The following CNKSR3 variants were observed in gnomAD, a reference collection of about 807,000 sequenced individuals.
CNKSR3 encodes CNKSR family member 3, also known as connector enhancer of kinase suppressor of ras 3.
CNKSR3 carries 36 observed loss-of-function variants against 67.7 expected under a neutral mutation model. The observed-to-expected ratio is 0.53, with a 90% CI of 0.41 to 0.70. CNKSR3 has a LOEUF of 0.70. Ranked by LOEUF, CNKSR3 falls within the 30% of genes least tolerant of loss-of-function variation. CNKSR3 has a pLI of 0.00. For synonymous variants in CNKSR3, 281 were observed against 271.4 expected (o/e 1.04, Z -0.35); for missense variants, 630 against 695.2 (o/e 0.91, Z 1.05).
intron 12 of CNKSR3, among the ~76,000 whole-genome samples, chr6:154,408,619 G>A (rs1784849434): frequency 2.0e-5 from 3 of 152,184 alleles, no homozygotes; most frequent in Admixed American, 1.3e-4. Context: ...CCTGTCAGGG[G>A]CTGAAGAAGG....
At chr6:154,434,768 C>G (rs1318499939) in intron 4 of CNKSR3, among the ~76,000 whole-genome samples, 1 of 152,092 alleles carries the variant, frequency 6.6e-6, no homozygotes, top group Non-Finnish European at 1.5e-5. Flanking sequence ...ACTACAGGAG[C>G]GGCTTCTGTA....
chr6:154,415,336 T>C (rs191134327), intron 9 of CNKSR3, among the ~76,000 whole-genome samples: 19 of 150,858 alleles, frequency 1.3e-4, no homozygotes, highest in African/African-American at 4.4e-4. Context: ...GTTCAAGTGA[T>C]TCTCCTACCT....
intron 5 of CNKSR3, among the ~76,000 whole-genome samples, chr6:154,432,420 C>T (rs1406974393): frequency 1.3e-5 from 2 of 152,088 alleles, no homozygotes; most frequent in African/African-American, 2.4e-5. Context: ...GGATACAAGT[C>T]CTTTATCTGA....
rs35873703 is a variant in CNKSR3, at chr6:154,415,228, A to ATTTTTTTTTTTTT, written c.946-818_946-806dup. The stretch of plus-strand genomic sequence containing the variant: ...TCCTGGCTAGACTTACTAGCTGCCC[A>ATTTTTTTTTTTTT]TTTTTTTTTTTTTTTTTTTTAAGAT... On this transcript the variant is annotated intron_variant, in intron 9 of 12. Transcript: ENST00000607772. Among the ~76,000 whole-genome samples the ATTTTTTTTTTTTT allele has an allele frequency of 3.6e-4, 42 of 118,108 alleles. 2 individuals are homozygous for ATTTTTTTTTTTTT. The highest frequency in any genetic ancestry group is 1.2e-3 in the African/African-American group (35 of 30,270). 77.5% of individuals were successfully genotyped at this position (118,108 alleles called of 152,430 possible).
rs67203207 is a variant in CNKSR3, at chr6:154,394,614, T to TAAAAA, written c.*11735_*11739dup. ...TATAGCATGAGCCTAATACAAGAAGTAAAAAAAAAAAAAAAAAAAAAGAAG... is the reference window on the plus strand; with the variant it reads ...TATAGCATGAGCCTAATACAAGAAGTAAAAAAAAAAAAAAAAAAAAAAAAAAGAAG... On this transcript the variant is annotated 3_prime_UTR_variant, in exon 13 of 13. Coordinates refer to ENST00000607772, the MANE Select transcript of CNKSR3 (RefSeq NM_173515.4). 15 of 67,768 alleles carry TAAAAA rather than the reference T, an allele frequency of 2.2e-4. No homozygotes were observed. The highest frequency in any genetic ancestry group is 6.0e-4 in the African/African-American group (11 of 18,342). The allele number at this position is 67,768 out of a possible 1,614,324, so 4.2% of individuals were successfully genotyped here.
intron 1 of CNKSR3, among the ~76,000 whole-genome samples, chr6:154,499,187 C>A (rs1786934388): frequency 6.6e-6 from 1 of 152,232 alleles, no homozygotes; most frequent in African/African-American, 2.4e-5. Context: ...AGGTTCATTA[C>A]TCATCTACTT....
At chr6:154,476,026 AT>A (rs113359539) in intron 1 of CNKSR3, among the ~76,000 whole-genome samples, 2,132 of 147,942 alleles carry the variant, frequency 0.014, 49 homozygotes, top group African/African-American at 0.049. Context: ...TAATAATATC[AT>A]TTTTTTTTTT....
chr6:154,433,441 A>C (rs1785409273), intron 5 of CNKSR3, 25 bp downstream of exon 5: 1 of 1,514,852 alleles, frequency 6.6e-7, no homozygotes, highest in Non-Finnish European at 9.1e-7. Flanking sequence ...TGAATTTTAC[A>C]ATAACTTTTA....
intron 1 of CNKSR3, among the ~76,000 whole-genome samples, chr6:154,481,253 CTTATTTGATAT>C (rs1229899783): frequency 6.9e-6 from 1 of 144,950 alleles, no homozygotes; most frequent in African/African-American, 2.6e-5. Flanking sequence ...TTTATTTATG[CTTATTTGATAT>C]TTATTTGATA....
chr6:154,505,492 TA>T (rs1787079283), intron 1 of CNKSR3, among the ~76,000 whole-genome samples: 2 of 126,234 alleles, frequency 1.6e-5, no homozygotes, highest in Non-Finnish European at 3.3e-5. Flanking sequence ...TTATTATTAT[TA>T]TTATTTTTTT....
Position 154,397,690 on chromosome 6 carries a change from G to T in CNKSR3, c.*8664C>A, listed in dbSNP as rs1370631307. 6.6e-6 allele frequency: 1 copy of T among 152,022 alleles called. No homozygotes were observed. The highest frequency in any genetic ancestry group is 1.5e-5 in the Non-Finnish European group (1 of 68,106). 9.4% of individuals were successfully genotyped at this position (152,022 alleles called of 1,614,324 possible). ...GCCTGCAACTGTGATGGAATTAACAGGGTAGGCCCTGCAAACAGATGAGTA... is the reference window on the plus strand; with the variant it reads ...GCCTGCAACTGTGATGGAATTAACATGGTAGGCCCTGCAAACAGATGAGTA... On this transcript the variant is annotated 3_prime_UTR_variant, in exon 13 of 13. Coordinates refer to ENST00000607772, the MANE Select transcript of CNKSR3 (RefSeq NM_173515.4).
chr6:154,393,774 TA>T lies in CNKSR3; in HGVS notation c.*12579del, dbSNP rs1249417758. Reference sequence around the variant, plus strand: ...ATTTCAAAATGATTCATAGATCAAATAATAAATCATAATAGAAATTAAAAAT... The same window carrying T: ...ATTTCAAAATGATTCATAGATCAAATATAAATCATAATAGAAATTAAAAAT... On this transcript the variant is annotated 3_prime_UTR_variant, in exon 13 of 13. Transcript: ENST00000607772. 1 of 152,148 alleles carries T rather than the reference TA, an allele frequency of 6.6e-6. No individual in the cohort carries two copies. The highest frequency in any genetic ancestry group is 1.5e-5 in the Non-Finnish European group (1 of 68,020). The allele number at this position is 152,148 out of a possible 1,614,324, so 9.4% of individuals were successfully genotyped here. A position where few individuals can be genotyped will look rare whatever the true frequency, so the allele number is the denominator to read the frequency against.
intron 1 of CNKSR3, among the ~76,000 whole-genome samples, chr6:154,503,023 G>A (rs999201625): frequency 3.9e-5 from 6 of 152,148 alleles, no homozygotes; most frequent in African/African-American, 1.4e-4. Context: ...ATGGATAAAG[G>A]ATGGAGCTAC....
chr6:154,450,435 T>A (rs1165575662), intron 1 of CNKSR3, among the ~76,000 whole-genome samples, 177 bp from the exon 2 acceptor site: 3 of 152,180 alleles, frequency 2.0e-5, no homozygotes, highest in Non-Finnish European at 4.4e-5. Context: ...TCAAACAGGT[T>A]TTCAAGGGCA....
intron 12 of CNKSR3, among the ~76,000 whole-genome samples, chr6:154,407,671 C>T (rs1784823917): frequency 6.6e-6 from 1 of 151,848 alleles, no homozygotes; most frequent in South Asian, 2.1e-4. Flanking sequence ...CAGCCGGTCT[C>T]GAAATCCTGA....
chr6:154,490,409 A>C (rs1159886792), intron 1 of CNKSR3, among the ~76,000 whole-genome samples: 1 of 152,210 alleles, frequency 6.6e-6, no homozygotes, highest in African/African-American at 2.4e-5. Context: ...ATCTAAGTAT[A>C]TATATCATAT....
rs1784630636 is a variant in CNKSR3, at chr6:154,393,641, A to C, written c.*12713T>G. 6.6e-6 allele frequency: 1 copy of C among 152,244 alleles called. No homozygotes were observed. Among genetic ancestry groups the C allele is most frequent in the African/African-American group, 2.4e-5 (1 of 41,474 alleles). The allele number at this position is 152,244 out of a possible 1,614,324, so 9.4% of individuals were successfully genotyped here. On this transcript the variant is annotated 3_prime_UTR_variant, in exon 13 of 13. Coordinates refer to ENST00000607772, the MANE Select transcript of CNKSR3 (RefSeq NM_173515.4). ...TCTTTAAGGTGTCCTATGATGAGGA[A>C]AAGTTCTAAGCTTTAGCGTAGCTGA...
At position 154,401,332 on chromosome 6, in the gene CNKSR3, A is replaced by G. The variant is rs1268082744; in HGVS notation, c.*5022T>C. ...TATTAGCGCCCTCACAAGAAGGGAA[A>G]GGAGAGCTTGCTTGCTTCCTTTCTC... is the stretch of plus-strand genomic sequence containing the variant. On this transcript the variant is annotated 3_prime_UTR_variant, in exon 13 of 13. Coordinates refer to ENST00000607772, the MANE Select transcript of CNKSR3 (RefSeq NM_173515.4). 1 of 152,204 alleles carries G rather than the reference A, an allele frequency of 6.6e-6. No individual in the cohort carries two copies. Among genetic ancestry groups the G allele is most frequent in the Non-Finnish European group, 1.5e-5 (1 of 68,064 alleles). The allele number at this position is 152,204 out of a possible 1,614,324, so 9.4% of individuals were successfully genotyped here. A position where few individuals can be genotyped will look rare whatever the true frequency, so the allele number is the denominator to read the frequency against.
chr6:154,477,660 T>G (rs1382313590), intron 1 of CNKSR3, among the ~76,000 whole-genome samples: 1 of 152,102 alleles, frequency 6.6e-6, no homozygotes, highest in Non-Finnish European at 1.5e-5. Flanking sequence ...ATGTCACTGA[T>G]GGAATGACAT....
Sources: allele counts gnomAD v4.1 joint callset (sites outside exome capture counted in the v4.1 genomes callset), GRCh38; gene constraint gnomAD v4.1.1; transcripts MANE v1.5; gene names NCBI Gene and HGNC (gene_info 2026-07-23, HGNC 2026-07-21).